The following TNS3 variants were observed in gnomAD, a reference collection of about 807,000 sequenced individuals.
The protein encoded by TNS3 is tensin-3.
Under a neutral mutation model 140.9 loss-of-function variants are expected in TNS3, and 45 were observed. The observed-to-expected ratio is 0.32, with a 90% CI of 0.25 to 0.41. The LOEUF is 0.41. Ranked by LOEUF, TNS3 falls within the 10% of genes least tolerant of loss-of-function variation. The pLI is 1.00. For synonymous variants in TNS3, 815 were observed against 788.4 expected (o/e 1.03, Z -0.56); for missense variants, 1,716 against 1,906.7 (o/e 0.90, Z 1.86).
At chr7:47,436,574 T>G (rs141374058) in intron 7 of TNS3, among the ~76,000 whole-genome samples, 9,283 of 152,180 alleles carry the variant, frequency 0.061, 631 homozygotes, top group African/African-American at 0.16. Flanking sequence ...GTTCTGCACC[T>G]GTATCCCAGA....
At chr7:47,470,621 A>T (rs1056796719) in intron 4 of TNS3, 2 of 985,344 alleles carry the variant, frequency 2.0e-6, no homozygotes, top group Non-Finnish European at 2.4e-6. Flanking sequence ...TCCCCAGCGC[A>T]GAGAAATGCA....
At position 47,368,381 on chromosome 7, in the gene TNS3, C is replaced by T. The variant is rs1305412905; in HGVS notation, c.2265G>A (p.Arg755=). 1.3e-6 allele frequency: 2 copies of T among 1,489,444 alleles called. No homozygotes were observed. The highest frequency in any genetic ancestry group is 4.7e-5 in the East Asian group (2 of 42,108). 92.3% of individuals were successfully genotyped at this position (1,489,444 alleles called of 1,614,324 possible). A position where few individuals can be genotyped will look rare whatever the true frequency, so the allele number is the denominator to read the frequency against. Residue 755 remains arginine (R), a synonymous_variant, in exon 17 of 31, where the codon AGG becomes AGA. Transcript: ENST00000311160. ...RLPDTGEGPS[R]ATGRQGSSAE... ...CCAGCTCACCTTGCCGCCCGGTGGC[C>T]CTGCTGGGGCCCTCTCCTGTGTCAG...
chr7:47,369,129 T>A lies in TNS3; in HGVS notation c.1517A>T (p.His506Leu), dbSNP rs771976581. The change falls in exon 17 of 31, where the codon CAC becomes CTC. Residue 506 changes from histidine to leucine, a missense_variant. Physicochemically the swap from His to Leu is moderately conservative, Grantham distance 99. Coordinates refer to ENST00000311160, the MANE Select transcript of TNS3 (RefSeq NM_022748.12). ...CTTGTGGCAGGTGAAGGGACCCAGG[T>A]GGGCCGACTGAGGCCCTTCCGAGGA... is the stretch of plus-strand genomic sequence containing the variant. ...LSSSEGPQSAHLGPFTCHKSS... is the reference protein window; with the variant it reads ...LSSSEGPQSALLGPFTCHKSS... The A allele has an allele frequency of 6.8e-6, 11 of 1,611,658 alleles. No homozygotes were observed. The highest frequency in any genetic ancestry group is 9.3e-6 in the Non-Finnish European group (11 of 1,179,182).
At chr7:47,517,446 C>T (rs1246640910) in intron 2 of TNS3, among the ~76,000 whole-genome samples, 1 of 152,156 alleles carries the variant, frequency 6.6e-6, no homozygotes, top group Non-Finnish European at 1.5e-5. Flanking sequence ...AAGAGCTCAC[C>T]CGCAGGGACC....
chr7:47,345,030 G>C lies in TNS3; in HGVS notation c.2460C>G (p.Thr820=), dbSNP rs760303507. Residue 820 remains threonine (T), a synonymous_variant, in exon 19 of 31, where the codon ACC becomes ACG. Transcript: ENST00000311160. ...TATCGAGGTCCTGGGGATAGCCAGG[G>C]GTCATCGTCTGAAATTGGCACAGGG... is the stretch of plus-strand genomic sequence containing the variant. The part of the protein sequence containing the change: ...PSPADVKETM[T]PGYPQDLDII... 6.2e-7 allele frequency: 1 copy of C among 1,613,216 alleles called. No individual in the cohort carries two copies. Among genetic ancestry groups the C allele is most frequent in the East Asian group, 2.2e-5 (1 of 44,880 alleles).
chr7:47,324,163 C>T (rs1787902446), intron 20 of TNS3, among the ~76,000 whole-genome samples: 1 of 152,222 alleles, frequency 6.6e-6, no homozygotes, highest in African/African-American at 2.4e-5. Flanking sequence ...CTGTTTTGCA[C>T]TTTCATCTGT....
intron 1 of TNS3, among the ~76,000 whole-genome samples, chr7:47,571,994 C>T (rs1800568473): frequency 6.6e-6 from 1 of 152,202 alleles, no homozygotes. Context: ...TGGCAGCCAG[C>T]CATCAGGGAG....
intron 6 of TNS3, among the ~76,000 whole-genome samples, chr7:47,437,783 C>CACGT (rs1795259712): frequency 8.2e-6 from 1 of 121,396 alleles, no homozygotes; most frequent in African/African-American, 3.0e-5. Flanking sequence ...CACACACACA[C>CACGT]ACGTATAAAA....
intron 1 of TNS3, among the ~76,000 whole-genome samples, chr7:47,530,593 G>A (rs1457978066): frequency 2.0e-5 from 3 of 151,678 alleles, no homozygotes; most frequent in Non-Finnish European, 4.4e-5. Context: ...GGAGGCAGAG[G>A]CGGGTGGATC....
chr7:47,448,318 G>A (rs73095123), intron 4 of TNS3, among the ~76,000 whole-genome samples: 8,913 of 152,286 alleles, frequency 0.059, 342 homozygotes, highest in Non-Finnish European at 0.087. Flanking sequence ...AGTCCACGAC[G>A]TCCCAGGGAG....
chr7:47,282,304 TAC>T (rs1356252873), intron 28 of TNS3, among the ~76,000 whole-genome samples: 3 of 144,370 alleles, frequency 2.1e-5, no homozygotes, highest in African/African-American at 7.8e-5. Flanking sequence ...ACCCTGAGTC[TAC>T]CATGCAGATG....
At chr7:47,388,833 C>T (rs1792225188) in intron 16 of TNS3, among the ~76,000 whole-genome samples, 1 of 151,458 alleles carries the variant, frequency 6.6e-6, no homozygotes, top group Non-Finnish European at 1.5e-5. Context: ...GGCAGCTGCA[C>T]TCCAGCCTGG....
intron 1 of TNS3, among the ~76,000 whole-genome samples, chr7:47,552,212 C>T (rs1359349262): frequency 2.0e-5 from 3 of 152,098 alleles, no homozygotes; most frequent in Non-Finnish European, 4.4e-5. Context: ...CTTAGGGATG[C>T]GTTAACAGTA....
intron 1 of TNS3, among the ~76,000 whole-genome samples, chr7:47,573,468 G>T (rs1800604550): frequency 6.6e-6 from 1 of 152,226 alleles, no homozygotes; most frequent in African/African-American, 2.4e-5. Context: ...CCGAAAGGGT[G>T]AAACACCCTA....
Position 47,303,513 on chromosome 7 carries a change from C to T in TNS3, c.2894G>A (p.Arg965Gln), listed in dbSNP as rs762851082. Residue 965 changes from arginine (R) to glutamine (Q), a missense_variant, in exon 22 of 31, where the codon CGG becomes CAG. Physicochemically the swap from Arg to Gln is conservative, Grantham distance 43 (BLOSUM62 1). Coordinates refer to ENST00000311160, the MANE Select transcript of TNS3 (RefSeq NM_022748.12). ...AGCGCTGAGGGGACTTCCGGTGGGC[C>T]GGCCGCTCCCCAGCAGGGAAACCAT... ...KPMVSLLGSG[R>Q]PTGSPLSAEF... The T allele has an allele frequency of 1.6e-5, 26 of 1,607,598 alleles. No individual in the cohort carries two copies. Among genetic ancestry groups the T allele is most frequent in the Middle Eastern group, 1.6e-4 (1 of 6,076 alleles).
intron 10 of TNS3, among the ~76,000 whole-genome samples, chr7:47,420,657 TA>T (rs1486720644): frequency 6.6e-6 from 1 of 152,188 alleles, no homozygotes; most frequent in Non-Finnish European, 1.5e-5. Context: ...GGACCAAGGT[TA>T]AACACCACAC....
At chr7:47,292,504 A>G (rs552975435) in intron 26 of TNS3, among the ~76,000 whole-genome samples, 1 of 152,328 alleles carries the variant, frequency 6.6e-6, no homozygotes, top group Admixed American at 6.5e-5. Context: ...TTCCGTAGAA[A>G]CGTAAAAATT....
At chr7:47,573,235 T>C (rs999185299) in intron 1 of TNS3, among the ~76,000 whole-genome samples, 1 of 152,196 alleles carries the variant, frequency 6.6e-6, no homozygotes, top group Non-Finnish European at 1.5e-5. Flanking sequence ...AACGCCCTGA[T>C]ACAAGCCAGC....
At chr7:47,370,344 G>C (rs1790986839) in intron 16 of TNS3, among the ~76,000 whole-genome samples, 2 of 152,174 alleles carry the variant, frequency 1.3e-5, no homozygotes, top group African/African-American at 4.8e-5. Flanking sequence ...TCAATGAAAA[G>C]AGAAAGTGCA....
Sources: gnomAD v4.1 joint callset for allele counts (sites outside exome capture counted in the v4.1 genomes callset) on GRCh38, gnomAD v4.1.1 for gene constraint, MANE v1.5 for transcripts, NCBI Gene and HGNC (gene_info 2026-07-23, HGNC 2026-07-21) for gene names.